The following SPMAP2L variants were observed in gnomAD, a reference collection of about 807,000 sequenced individuals.
SPMAP2L encodes the protein sperm microtubule associated protein 2-like.
chr4:56,541,402 T>A, the SPMAP2L span, among the ~76,000 whole-genome samples: 1 of 152,210 alleles, frequency 6.6e-6, no homozygotes, highest in Non-Finnish European at 1.5e-5. Context: ...TTATTAATTT[T>A]TTCACTTGCA....
At chr4:56,545,281 C>A in the SPMAP2L span, among the ~76,000 whole-genome samples, 1 of 152,044 alleles carries the variant, frequency 6.6e-6, no homozygotes, top group Non-Finnish European at 1.5e-5. Flanking sequence ...CTATTTTTCT[C>A]TTTCCTTGAG....
At chr4:56,560,400 C>T in the SPMAP2L span, among the ~76,000 whole-genome samples, 43 of 152,282 alleles carry the variant, frequency 2.8e-4, no homozygotes, top group African/African-American at 7.7e-4. Context: ...GCCCAATGTC[C>T]TGTCCCTGGC....
At chr4:56,619,562 C>A in the SPMAP2L span, among the ~76,000 whole-genome samples, 1 of 152,218 alleles carries the variant, frequency 6.6e-6, no homozygotes, top group Admixed American at 6.5e-5. Flanking sequence ...TCGCATGAGG[C>A]AGGATTTCCT....
At chr4:56,565,670 C>T in the SPMAP2L span, among the ~76,000 whole-genome samples, 1 of 152,150 alleles carries the variant, frequency 6.6e-6, no homozygotes, top group Non-Finnish European at 1.5e-5. Flanking sequence ...AAATTACCCT[C>T]AGGCTATATG....
chr4:56,559,667 A>G, the SPMAP2L span: 1 of 763,670 alleles, frequency 1.3e-6, no homozygotes, highest in East Asian at 4.3e-5. Context: ...TCCCAGGTTC[A>G]TGCGATTCTC....
chr4:56,586,613 T>C, the SPMAP2L span, among the ~76,000 whole-genome samples: 35 of 152,144 alleles, frequency 2.3e-4, no homozygotes, highest in Admixed American at 2.2e-3. Flanking sequence ...ATAGACTCAG[T>C]TGGGAATATC....
chr4:56,555,697 G>T, the SPMAP2L span, among the ~76,000 whole-genome samples: 1 of 151,896 alleles, frequency 6.6e-6, no homozygotes, highest in African/African-American at 2.4e-5. Context: ...TTATGCTTAT[G>T]TATTTAATTT....
the SPMAP2L span, among the ~76,000 whole-genome samples, chr4:56,543,895 AGTGTGT>A: frequency 1.2e-3 from 127 of 109,448 alleles, no homozygotes; most frequent in African/African-American, 2.9e-3. Flanking sequence ...AGAGAGAGAG[AGTGTGT>A]GTGTGTGTGT....
the SPMAP2L span, among the ~76,000 whole-genome samples, chr4:56,601,824 T>C: frequency 3.3e-5 from 5 of 152,232 alleles, no homozygotes; most frequent in Admixed American, 1.3e-4. Flanking sequence ...AGTATGTGTA[T>C]GGAATTATTT....
At chr4:56,578,890 T>G in the SPMAP2L span, among the ~76,000 whole-genome samples, 26 of 151,286 alleles carry the variant, frequency 1.7e-4, no homozygotes, top group Non-Finnish European at 3.7e-4. Context: ...CCAGCCTGGG[T>G]AATATAGCAA....
chr4:56,555,468 T>C, the SPMAP2L span, among the ~76,000 whole-genome samples: 1 of 152,188 alleles, frequency 6.6e-6, no homozygotes, highest in African/African-American at 2.4e-5. Context: ...CTATATAAAC[T>C]ATAGAATCAG....
the SPMAP2L span, among the ~76,000 whole-genome samples, chr4:56,605,849 C>A: frequency 2.0e-5 from 3 of 152,278 alleles, 1 homozygote; most frequent in South Asian, 6.2e-4. Context: ...CCGGCATAAA[C>A]CCTATATCTA....
chr4:56,611,628 A>G, the SPMAP2L span, among the ~76,000 whole-genome samples: 70,391 of 151,996 alleles, frequency 0.46, 17,171 homozygotes, highest in East Asian at 0.64. Context: ...AAATGAACAA[A>G]AGCCAGGCCA....
At chr4:56,559,800 A>G in the SPMAP2L span, among the ~76,000 whole-genome samples, 63 of 152,142 alleles carry the variant, frequency 4.1e-4, 1 homozygote, top group South Asian at 0.013. Context: ...AGCTCCTGAC[A>G]TTGTGACCTG....
chr4:56,538,991 C>T, the SPMAP2L span, among the ~76,000 whole-genome samples: 1 of 152,146 alleles, frequency 6.6e-6, no homozygotes, highest in Non-Finnish European at 1.5e-5. Context: ...TAGCACATCC[C>T]CGTGCCTCTA....
At chr4:56,539,166 G>T in the SPMAP2L span, among the ~76,000 whole-genome samples, 1 of 149,536 alleles carries the variant, frequency 6.7e-6, no homozygotes, top group Non-Finnish European at 1.5e-5. Context: ...CCTAACAATA[G>T]TATCATCACC....
At chr4:56,624,204 A>C in the SPMAP2L span, among the ~76,000 whole-genome samples, 74,990 of 152,038 alleles carry the variant, frequency 0.49, 19,671 homozygotes, top group African/African-American at 0.68. Flanking sequence ...ATTTGTGGAA[A>C]TTTGAACTTG....
the SPMAP2L span, chr4:56,559,320 A>AAG: frequency 2.9e-5 from 34 of 1,170,394 alleles, no homozygotes; most frequent in African/African-American, 4.8e-4. Flanking sequence ...AAAAAAAAAA[A>AAG]AAGAGTCATT....
At chr4:56,536,609 C>G in the SPMAP2L span, among the ~76,000 whole-genome samples, 15 of 152,246 alleles carry the variant, frequency 9.9e-5, no homozygotes, top group South Asian at 3.1e-3. Flanking sequence ...TTCATTTGAC[C>G]GCTGTGTTAC....
Sources: gnomAD v4.1 joint callset for allele counts (sites outside exome capture counted in the v4.1 genomes callset) on GRCh38, gnomAD v4.1.1 for gene constraint, MANE v1.5 for transcripts, NCBI Gene and HGNC (gene_info 2026-07-23, HGNC 2026-07-21) for gene names.